Variants in OR9Q1 observed in about 807,000 individuals in gnomAD.
The protein encoded by OR9Q1 is olfactory receptor 9Q1.
For missense variants in OR9Q1, 374 were observed against 378.8 expected (o/e 0.99, Z 0.11); for synonymous variants, 153 against 148.6 (o/e 1.03, Z -0.22).
intron 2 of OR9Q1, chr11:58,119,216 T>C (rs751690017): frequency 6.2e-7 from 1 of 1,613,904 alleles, no homozygotes; most frequent in Non-Finnish European, 8.5e-7. Flanking sequence ...TGAGGGGTGA[T>C]GACTGAGGTG....
At chr11:58,160,528 T>C (rs1337866008) in intron 2 of OR9Q1, among the ~76,000 whole-genome samples, 3 of 152,028 alleles carry the variant, frequency 2.0e-5, no homozygotes. Context: ...GGCATGATCA[T>C]AGCTCACTGT....
chr11:58,035,032 A>G (rs529634653), intron 1 of OR9Q1, among the ~76,000 whole-genome samples: 78 of 151,718 alleles, frequency 5.1e-4, no homozygotes, highest in African/African-American at 1.8e-3. Context: ...TCGCCAGGTT[A>G]TTTTCCAGGC....
chr11:58,031,982 C>A, intron 1 of OR9Q1: 3 of 801,682 alleles, frequency 3.7e-6, no homozygotes, highest in East Asian at 2.5e-5. Context: ...AAGCTGAGAC[C>A]AAATCAAGAA....
chr11:58,045,459 C>T (rs1218406245), intron 1 of OR9Q1: 1 of 152,206 alleles, frequency 6.6e-6, no homozygotes, highest in Non-Finnish European at 1.5e-5. Flanking sequence ...GTCTCGAACT[C>T]CTGACCTCAA....
chr11:58,140,904 T>A (rs10896703), intron 2 of OR9Q1, among the ~76,000 whole-genome samples: 54,922 of 152,124 alleles, frequency 0.36, 11,783 homozygotes, highest in East Asian at 0.65. Flanking sequence ...CGATACTGAT[T>A]CTTCTTACCC....
chr11:58,059,328 T>C (rs1166558493), intron 2 of OR9Q1, among the ~76,000 whole-genome samples: 1 of 152,068 alleles, frequency 6.6e-6, no homozygotes, highest in Non-Finnish European at 1.5e-5. Flanking sequence ...TGTATAATTG[T>C]TAATAGAATA....
intron 2 of OR9Q1, among the ~76,000 whole-genome samples, chr11:58,155,991 G>A (rs1854404314): frequency 6.8e-6 from 1 of 146,898 alleles, no homozygotes; most frequent in Admixed American, 7.0e-5. Flanking sequence ...TTGGCTCAGT[G>A]CAACCTCCAC....
intron 2 of OR9Q1, among the ~76,000 whole-genome samples, chr11:58,108,441 ATC>A (rs1853863910): frequency 6.6e-6 from 1 of 152,138 alleles, no homozygotes. Flanking sequence ...GCTACTTTTT[ATC>A]TCTGTGATGC....
At chr11:58,069,293 G>T (rs1853463463) in intron 2 of OR9Q1, among the ~76,000 whole-genome samples, 1 of 152,096 alleles carries the variant, frequency 6.6e-6, no homozygotes, top group Admixed American at 6.5e-5. Context: ...TGTCTGGGAG[G>T]CCCCAGTGGG....
At chr11:58,034,735 T>TTTCCTTCCTTCCTTCATTCCTTCC (rs1853079608) in intron 1 of OR9Q1, among the ~76,000 whole-genome samples, 1 of 111,404 alleles carries the variant, frequency 9.0e-6, no homozygotes, top group Admixed American at 1.0e-4. Context: ...GGTTTCTTTC[T>TTTCCTTCCTTCCTTCATTCCTTCC]TTCCTTCCTT....
At chr11:58,139,790 T>C (rs925111540) in intron 2 of OR9Q1, among the ~76,000 whole-genome samples, 2 of 152,104 alleles carry the variant, frequency 1.3e-5, no homozygotes, top group African/African-American at 4.8e-5. Flanking sequence ...ATCCTTTGGG[T>C]ATATACCCAG....
intron 2 of OR9Q1, among the ~76,000 whole-genome samples, chr11:58,069,647 G>A (rs1360489839): frequency 1.3e-5 from 2 of 152,142 alleles, no homozygotes; most frequent in Non-Finnish European, 2.9e-5. Flanking sequence ...GCTGAAGCAC[G>A]AGAATTGCTT....
At chr11:58,110,472 C>G (rs1043602645) in intron 2 of OR9Q1, among the ~76,000 whole-genome samples, 1 of 152,138 alleles carries the variant, frequency 6.6e-6, no homozygotes, top group Non-Finnish European at 1.5e-5. Context: ...GTTTATGGAG[C>G]CTTTATTCTG....
intron 2 of OR9Q1, among the ~76,000 whole-genome samples, chr11:58,087,199 T>C (rs1482512483): frequency 6.6e-6 from 1 of 151,698 alleles, no homozygotes; most frequent in East Asian, 1.9e-4. Flanking sequence ...AAGTATAACA[T>C]TCAGAAAAAT....
At chr11:58,105,487 T>G (rs1853830975) in intron 2 of OR9Q1, among the ~76,000 whole-genome samples, 1 of 152,168 alleles carries the variant, frequency 6.6e-6, no homozygotes, top group African/African-American at 2.4e-5. Flanking sequence ...CCCTTTTCCT[T>G]TTTTTGTGGG....
intron 2 of OR9Q1, among the ~76,000 whole-genome samples, chr11:58,110,431 A>G (rs1052052610): frequency 4.6e-5 from 7 of 152,162 alleles, no homozygotes; most frequent in Non-Finnish European, 8.8e-5. Flanking sequence ...TTGAGGGACC[A>G]TGAAAGACAG....
chr11:58,053,863 T>C (rs905859564), intron 1 of OR9Q1, among the ~76,000 whole-genome samples: 1 of 151,780 alleles, frequency 6.6e-6, no homozygotes, highest in Admixed American at 6.6e-5. Flanking sequence ...TCCTTCATCC[T>C]CCATCCCCCA....
At chr11:58,074,048 A>C (rs1398143899) in intron 2 of OR9Q1, among the ~76,000 whole-genome samples, 1 of 152,112 alleles carries the variant, frequency 6.6e-6, no homozygotes, top group Non-Finnish European at 1.5e-5. Flanking sequence ...TATCTAGTCT[A>C]TCATTGATGG....
At chr11:58,063,224 T>C (rs1034824156) in intron 2 of OR9Q1, among the ~76,000 whole-genome samples, 1 of 152,224 alleles carries the variant, frequency 6.6e-6, no homozygotes, top group Non-Finnish European at 1.5e-5. Context: ...TACTATTTAT[T>C]AGCTATGTGA....
Sources: allele counts gnomAD v4.1 joint callset (sites outside exome capture counted in the v4.1 genomes callset), GRCh38; gene constraint gnomAD v4.1.1; transcripts MANE v1.5; gene names NCBI Gene and HGNC (gene_info 2026-07-23, HGNC 2026-07-21).